SNX29: variants seen among roughly 807,000 people sequenced by gnomAD.
SNX29 encodes the protein sorting nexin-29.
A neutral mutation model predicts 102.1 loss-of-function variants in SNX29; 78 were observed. That is an observed-to-expected ratio of 0.76 (90% confidence interval 0.64 to 0.92). The LOEUF (loss-of-function observed/expected upper bound fraction) is 0.92. Among genes scored for constraint, SNX29 ranks in the 40% least tolerant of loss-of-function variants. The pLI, the probability that SNX29 is intolerant of heterozygous loss-of-function variation, is 0.00. For synonymous variants in SNX29, 580 were observed against 414.5 expected (o/e 1.40, Z -4.85); for missense variants, 1,280 against 1,061.7 (o/e 1.21, Z -2.86).
At chr16:12,268,618 C>G (rs1422921350) in intron 14 of SNX29, among the ~76,000 whole-genome samples, 1 of 152,196 alleles carries the variant, frequency 6.6e-6, no homozygotes, top group African/African-American at 2.4e-5. Flanking sequence ...TCCCAAATTT[C>G]CTAAGACACA....
At chr16:12,552,393 C>A (rs528678514) in intron 20 of SNX29, among the ~76,000 whole-genome samples, 2 of 152,304 alleles carry the variant, frequency 1.3e-5, no homozygotes, top group South Asian at 4.1e-4. Context: ...TGGTACCTGG[C>A]GCAGAGCAGT....
intron 13 of SNX29, among the ~76,000 whole-genome samples, chr16:12,161,814 C>T (rs1485155276): frequency 6.6e-6 from 1 of 151,312 alleles, no homozygotes; most frequent in African/African-American, 2.4e-5. Flanking sequence ...CCTATGCCTT[C>T]TGCCATGACT....
At chr16:12,422,410 T>A (rs957243122) in intron 18 of SNX29, among the ~76,000 whole-genome samples, 3 of 152,192 alleles carry the variant, frequency 2.0e-5, no homozygotes, top group African/African-American at 7.2e-5. Context: ...AATGCAAAAT[T>A]AGGCGGGGTG....
At chr16:12,156,030 G>A (rs2055533652) in intron 13 of SNX29, among the ~76,000 whole-genome samples, 1 of 152,160 alleles carries the variant, frequency 6.6e-6, no homozygotes, top group Non-Finnish European at 1.5e-5. Context: ...TCTGCTCTGG[G>A]CATATTGGTC....
chr16:12,354,451 C>A (rs1156228829), intron 15 of SNX29, among the ~76,000 whole-genome samples: 1 of 152,152 alleles, frequency 6.6e-6, no homozygotes, highest in Non-Finnish European at 1.5e-5. Flanking sequence ...CAACTTGGAT[C>A]TGGGACGTTT....
intron 18 of SNX29, among the ~76,000 whole-genome samples, chr16:12,464,059 T>A (rs533895408): frequency 3.9e-5 from 6 of 152,024 alleles, no homozygotes; most frequent in Non-Finnish European, 8.8e-5. Context: ...TCTCTGCTTC[T>A]ATGAGTTTAT....
chr16:12,564,542 G>A (rs2078909908), intron 20 of SNX29, among the ~76,000 whole-genome samples: 1 of 152,156 alleles, frequency 6.6e-6, no homozygotes, highest in South Asian at 2.1e-4. Flanking sequence ...TGGAGTTAAG[G>A]CCTTTGGCAA....
chr16:12,222,610 C>G (rs1365528058), intron 14 of SNX29, among the ~76,000 whole-genome samples: 1 of 152,016 alleles, frequency 6.6e-6, no homozygotes, highest in African/African-American at 2.4e-5. Flanking sequence ...TCTCTGTCAC[C>G]CAGGCTGGAG....
intron 16 of SNX29, among the ~76,000 whole-genome samples, chr16:12,392,397 A>G (rs1450773415): frequency 1.3e-5 from 2 of 152,124 alleles, no homozygotes; most frequent in Non-Finnish European, 2.9e-5. Flanking sequence ...TGAAGTAGTA[A>G]GTTCGATCAT....
rs1190162835 is a variant in SNX29, at chr16:12,380,375, T to A, written c.1900-18071T>A. 7.2e-5 allele frequency among the ~76,000 whole-genome samples: 4 copies of A among 55,390 alleles called. No homozygotes were observed. The South Asian group carries it at 3.7e-3, about 51-fold the overall frequency. The allele number at this position is 55,390 out of a possible 152,430, so 36.3% of individuals were successfully genotyped here. A position where few individuals can be genotyped will look rare whatever the true frequency, so the allele number is the denominator to read the frequency against. On this transcript the variant is annotated intron_variant, in intron 16 of 20. Transcript: ENST00000566228. The stretch of plus-strand genomic sequence containing the variant: ...CCTTCACCTGTCATCCCTCCACTTA[T>A]CCACCCACCCACCCACCCCTCATCC...
chr16:12,275,299 G>T (rs916205155), intron 14 of SNX29, among the ~76,000 whole-genome samples: 55 of 152,252 alleles, frequency 3.6e-4, no homozygotes, highest in African/African-American at 1.1e-3. Flanking sequence ...TGGGGCTGGG[G>T]AGAGGGAAGA....
intron 11 of SNX29, among the ~76,000 whole-genome samples, chr16:12,100,650 G>C (rs563126771): frequency 1.3e-5 from 2 of 151,320 alleles, no homozygotes; most frequent in Non-Finnish European, 3.0e-5. Context: ...AGTGTGCTTG[G>C]CAGAGGGAAC....
intron 19 of SNX29, among the ~76,000 whole-genome samples, chr16:12,514,837 C>T (rs1379412947): frequency 6.6e-6 from 1 of 150,710 alleles, no homozygotes; most frequent in African/African-American, 2.4e-5. Flanking sequence ...TGCACTCTAG[C>T]CTGGACAACA....
chr16:12,138,713 A>G lies in SNX29; in HGVS notation c.1595+8955A>G, dbSNP rs527985174. Among the ~76,000 whole-genome samples the G allele has an allele frequency of 6.6e-5, 10 of 152,248 alleles. No homozygotes were observed. In the South Asian group the frequency reaches 2.1e-3, roughly 32 times the overall value. On this transcript the variant is annotated intron_variant, in intron 13 of 20. Transcript: ENST00000566228. ...TACCTGATTTAGGAAGCCTGTGTTT[A>G]TGGATGAGAGGAGGGGAGGAAGAGA...
chr16:12,100,001 C>T (rs535055708), intron 11 of SNX29, among the ~76,000 whole-genome samples: 1 of 152,214 alleles, frequency 6.6e-6, no homozygotes. Context: ...CGACCCCATG[C>T]AGCGGCTACT....
intron 16 of SNX29, among the ~76,000 whole-genome samples, chr16:12,383,226 G>T (rs569314989): frequency 5.3e-5 from 8 of 152,134 alleles, no homozygotes; most frequent in Non-Finnish European, 8.8e-5. Context: ...AGACCTTCCT[G>T]TTAGGGTGGA....
intron 19 of SNX29, among the ~76,000 whole-genome samples, chr16:12,501,724 C>CA (rs59431064): frequency 0.15 from 6,872 of 44,814 alleles, 1,479 homozygotes; most frequent in Non-Finnish European, 0.23. Context: ...GACACTGTCT[C>CA]AAAAAAAAAA....
At chr16:11,991,397 C>T (rs575305207) in intron 1 of SNX29, among the ~76,000 whole-genome samples, 3 of 152,178 alleles carry the variant, frequency 2.0e-5, no homozygotes, top group Admixed American at 6.5e-5. Context: ...TGAGACTTGC[C>T]GTCTCATGAA....
At chr16:12,164,367 G>A (rs973627570) in intron 13 of SNX29, among the ~76,000 whole-genome samples, 3 of 152,206 alleles carry the variant, frequency 2.0e-5, no homozygotes, top group Admixed American at 6.5e-5. Flanking sequence ...AAGAAAACCC[G>A]TGCGATAGTG....
Sources: allele counts gnomAD v4.1 joint callset (sites outside exome capture counted in the v4.1 genomes callset), GRCh38; gene constraint gnomAD v4.1.1; transcripts MANE v1.5; gene names NCBI Gene and HGNC (gene_info 2026-07-23, HGNC 2026-07-21).